GPSM3: variants seen among roughly 807,000 people sequenced by gnomAD.
The protein encoded by GPSM3 is G protein-signaling modulator 3.
GPSM3 carries 16 observed loss-of-function variants against 20.4 expected under a neutral mutation model. The observed-to-expected ratio is 0.78, with a 90% confidence interval of 0.53 to 1.19. The LOEUF is 1.19. GPSM3 is among the 50% of genes most tolerant of loss of function. The probability of loss-of-function intolerance (pLI) is 0.00; values close to 1 mark genes in which losing one functional copy is unlikely to be tolerated. For missense variants in GPSM3, 177 were observed against 204.6 expected (o/e 0.86, Z 0.82); for synonymous variants, 70 against 79.6 (o/e 0.88, Z 0.64).
In GPSM3 at chr6:32,192,519, A is replaced by G. The variant is rs1432160436; in HGVS notation, c.-6T>C. On this transcript the variant is annotated 5_prime_UTR_variant, in exon 1 of 4. Transcript: ENST00000375040. This position sits in a 1 kb window ranked among gnomAD's most constrained non-coding sequence, Gnocchi z 5.1. Reference sequence around the variant, plus strand: ...TGGGGTCTCTCAGCCTCCATCCCCTAGAGGGGAGAAACTGGTGGGGGAGGG... The same window carrying G: ...TGGGGTCTCTCAGCCTCCATCCCCTGGAGGGGAGAAACTGGTGGGGGAGGG... 1.3e-6 allele frequency: 2 copies of G among 1,573,484 alleles called. No homozygotes were observed. The highest frequency in any genetic ancestry group is 2.3e-5 in the East Asian group (1 of 43,240).
rs1034042478 is a variant in GPSM3, at chr6:32,192,298, G to A, written c.43-48C>T. ...CTAGTCAAGCAGTGGTGGTTGAAGC[G>A]GGAGGAGTGGACAGGGGGCTAGGCC... On this transcript the variant is annotated intron_variant, in intron 1 of 3. Transcript: ENST00000375040. This position sits in a 1 kb window ranked among gnomAD's most constrained non-coding sequence, Gnocchi z 5.1. 3.5e-6 allele frequency: 5 copies of A among 1,448,464 alleles called. No homozygotes were observed. The highest frequency in any genetic ancestry group is 4.7e-6 in the Non-Finnish European group (5 of 1,063,816). 89.7% of individuals were successfully genotyped at this position (1,448,464 alleles called of 1,614,324 possible). A position where few individuals can be genotyped will look rare whatever the true frequency, so the allele number is the denominator to read the frequency against.
At chr6:32,193,832 G>T (rs941498974), upstream of GPSM3, among the ~76,000 whole-genome samples, 2 of 152,248 alleles carry the variant, frequency 1.3e-5, no homozygotes, top group African/African-American at 4.8e-5. This position sits in a 1 kb window ranked among gnomAD's most constrained non-coding sequence, Gnocchi z 4.7. Flanking sequence ...TTTGATCAAT[G>T]CTAATCAGGC....
chr6:32,191,607 A>G lies in GPSM3; in HGVS notation c.345+102T>C. ...TGGGGAGGCATATAGGAAACCTGTGAAGGCGATGGGGTGCCTAGGGAGAAA... is the reference window on the plus strand; with the variant it reads ...TGGGGAGGCATATAGGAAACCTGTGGAGGCGATGGGGTGCCTAGGGAGAAA... On this transcript the variant is annotated intron_variant, in intron 3 of 3. Transcript: ENST00000375040. This position sits in a 1 kb window ranked among gnomAD's most constrained non-coding sequence, Gnocchi z 5.9. 3.4e-6 allele frequency: 5 copies of G among 1,481,440 alleles called. No homozygotes were observed. The highest frequency in any genetic ancestry group is 4.5e-6 in the Non-Finnish European group (5 of 1,099,654). 91.8% of individuals were successfully genotyped at this position (1,481,440 alleles called of 1,614,324 possible). A position where few individuals can be genotyped will look rare whatever the true frequency, so the allele number is the denominator to read the frequency against.
Position 32,192,234 on chromosome 6 carries a change from T to C in GPSM3, c.59A>G (p.Glu20Gly). 6.6e-7 allele frequency: 1 copy of C among 1,517,504 alleles called. No individual in the cohort carries two copies. The highest frequency in any genetic ancestry group is 8.8e-7 in the Non-Finnish European group (1 of 1,133,618). 94.0% of individuals were successfully genotyped at this position (1,517,504 alleles called of 1,614,324 possible). A position where few individuals can be genotyped will look rare whatever the true frequency, so the allele number is the denominator to read the frequency against. The change falls in exon 2 of 4, where the codon GAG becomes GGG. Residue 20 changes from glutamate to glycine, a missense_variant. Glu to Gly is a moderately conservative substitution (Grantham distance 98). Transcript: ENST00000375040. This position sits in a 1 kb window ranked among gnomAD's most constrained non-coding sequence, Gnocchi z 5.1. ...EDGEQGPPQD[E>G]EGWPPPNSTT... ...GGAGTTTGGAGGGGGCCAGCCTTCCTCATCCTGAGGGGGGCCCTGATGCCA... is the reference window on the plus strand; with the variant it reads ...GGAGTTTGGAGGGGGCCAGCCTTCCCCATCCTGAGGGGGGCCCTGATGCCA...
upstream of GPSM3, chr6:32,192,775 A>G: frequency 2.5e-6 from 1 of 392,172 alleles, no homozygotes; most frequent in Non-Finnish European, 4.5e-6. The surrounding 1 kb of genome is among the most constrained non-coding windows in gnomAD (Gnocchi z 5.1). Flanking sequence ...GACTGGGAAA[A>G]ACTCCTCCAG....
In GPSM3 at chr6:32,192,144, G is replaced by T; in HGVS notation, c.145+4C>A. 2 of 1,509,704 alleles carry T rather than the reference G, an allele frequency of 1.3e-6. No individual in the cohort carries two copies. The highest frequency in any genetic ancestry group is 1.8e-6 in the Non-Finnish European group (2 of 1,128,510). The allele number at this position is 1,509,704 out of a possible 1,614,324, so 93.5% of individuals were successfully genotyped here. On this transcript the variant is annotated splice_donor_region_variant and intron_variant, in intron 2 of 3. Transcript: ENST00000375040. This position sits in a 1 kb window ranked among gnomAD's most constrained non-coding sequence, Gnocchi z 5.1. ...CGGGGCTCTCCCTGGGTGGGTAGGG[G>T]TACCTGTGTGGCGGGTCCCTGGAGG...
chr6:32,193,965 C>T (rs1787700530), upstream of GPSM3, among the ~76,000 whole-genome samples: 1 of 152,262 alleles, frequency 6.6e-6, no homozygotes, highest in African/African-American at 2.4e-5. The surrounding 1 kb of genome is among the most constrained non-coding windows in gnomAD (Gnocchi z 4.7). Flanking sequence ...GAGATCTGGT[C>T]CTGCCGCTTA....
At position 32,192,514 on chromosome 6, in the gene GPSM3, C is replaced by G. The variant is rs549271168; in HGVS notation, c.-1G>C. ...CTTCCTGGGGTCTCTCAGCCTCCAT[C>G]CCCTAGAGGGGAGAAACTGGTGGGG... On this transcript the variant is annotated 5_prime_UTR_variant, in exon 1 of 4. Coordinates refer to ENST00000375040, the MANE Select transcript of GPSM3 (RefSeq NM_001276501.2). The surrounding 1 kb of genome is among the most constrained non-coding windows in gnomAD (Gnocchi z 5.1). 6.3e-7 allele frequency: 1 copy of G among 1,586,494 alleles called. No homozygotes were observed. Among genetic ancestry groups the G allele is most frequent in the Non-Finnish European group, 8.6e-7 (1 of 1,165,498 alleles).
rs1395848818 is a variant in GPSM3, at chr6:32,191,853, G to A, written c.201C>T (p.Asp67=). 2 of 1,612,170 alleles carry A rather than the reference G, an allele frequency of 1.2e-6. No individual in the cohort carries two copies. Among genetic ancestry groups the A allele is most frequent in the Middle Eastern group, 1.8e-4 (1 of 5,580 alleles). Residue 67 remains aspartate, a synonymous_variant, in exon 3 of 4, where the codon GAC becomes GAT. Coordinates refer to ENST00000375040, the MANE Select transcript of GPSM3 (RefSeq NM_001276501.2). This position sits in a 1 kb window ranked among gnomAD's most constrained non-coding sequence, Gnocchi z 5.9. The part of the protein sequence containing the change: ...LLSLQTELLL[D]LVAEAQSRRL... ...GGCGGGACTGGGCTTCAGCCACCAG[G>A]TCCAGAAGGAGTTCAGTCTGCAGGG...
At chr6:32,195,083 C>A, upstream of GPSM3, 1 of 298,938 alleles carries the variant, frequency 3.3e-6, no homozygotes, top group Non-Finnish European at 6.3e-6. The surrounding 1 kb of genome is among the most constrained non-coding windows in gnomAD (Gnocchi z 5.4). Context: ...GACAATGGAT[C>A]ATAGGGGCAC....
chr6:32,195,275 C>T (rs766307189), upstream of GPSM3: 6 of 674,494 alleles, frequency 8.9e-6, no homozygotes, highest in Non-Finnish European at 1.5e-5. This position sits in a 1 kb window ranked among gnomAD's most constrained non-coding sequence, Gnocchi z 5.4. Flanking sequence ...GCAGCTTCTC[C>T]ACGTGGAAGA....
chr6:32,191,723 T>C lies in GPSM3; in HGVS notation c.331A>G (p.Ile111Val), dbSNP rs903458508. The C allele has an allele frequency of 6.2e-7, 1 of 1,609,332 alleles. No individual in the cohort carries two copies. The highest frequency in any genetic ancestry group is 8.5e-7 in the Non-Finnish European group (1 of 1,177,660). ...GGATGTCTTACCTGGTGACTGAGGA[T>C]AGTGCTGTAAAGCTGTTCTCTGTCC... is the stretch of plus-strand genomic sequence containing the variant. ...LEDREQLYST[I>V]LSHQCQRMEA... Residue 111 changes from isoleucine (I) to valine (V), a missense_variant, in exon 3 of 4, where the codon ATC (isoleucine) becomes GTC (valine). Ile to Val is a conservative substitution (Grantham distance 29, BLOSUM62 3). Transcript: ENST00000375040. This position sits in a 1 kb window ranked among gnomAD's most constrained non-coding sequence, Gnocchi z 5.9.
In GPSM3 at chr6:32,192,602, G is replaced by A; in HGVS notation, c.-89C>T. 1 of 819,730 alleles carries A rather than the reference G, an allele frequency of 1.2e-6. No homozygotes were observed. The highest frequency in any genetic ancestry group is 1.9e-6 in the Non-Finnish European group (1 of 513,294). The allele number at this position is 819,730 out of a possible 1,614,324, so 50.8% of individuals were successfully genotyped here. A position where few individuals can be genotyped will look rare whatever the true frequency, so the allele number is the denominator to read the frequency against. ...TGGGTTCCTGAGGGGAGTGGGGGCT[G>A]GAAGGGGTGGGGGTGAGCTGGGGGC... On this transcript the variant is annotated 5_prime_UTR_variant, in exon 1 of 4. Transcript: ENST00000375040. This position sits in a 1 kb window ranked among gnomAD's most constrained non-coding sequence, Gnocchi z 5.1.
chr6:32,192,201 C>CGAGTGG lies in GPSM3; in HGVS notation c.86_91dup (p.Thr30_Arg31insProThr). On this transcript the variant is annotated inframe_insertion, in exon 2 of 4. Coordinates refer to ENST00000375040, the MANE Select transcript of GPSM3 (RefSeq NM_001276501.2). The surrounding 1 kb of genome is among the most constrained non-coding windows in gnomAD (Gnocchi z 5.1). ...GGATGGAGGAGCAGATCGCCAAGGC[C>CGAGTGG]GAGTGGTGGAGTTTGGAGGGGGCCA... The CGAGTGG allele has an allele frequency of 6.6e-7, 1 of 1,510,298 alleles. No homozygotes were observed. Among genetic ancestry groups the CGAGTGG allele is most frequent in the East Asian group, 2.3e-5 (1 of 43,344 alleles). The allele number at this position is 1,510,298 out of a possible 1,614,324, so 93.6% of individuals were successfully genotyped here.
chr6:32,195,439 A>G (rs1401101838), upstream of GPSM3: 1 of 1,583,408 alleles, frequency 6.3e-7, no homozygotes, highest in Non-Finnish European at 8.6e-7. This position sits in a 1 kb window ranked among gnomAD's most constrained non-coding sequence, Gnocchi z 5.4. Context: ...GTATTCTTCT[A>G]TTTTTTACCC....
At position 32,192,157 on chromosome 6, in the gene GPSM3, G is replaced by A. The variant is rs1191563706; in HGVS notation, c.136C>T (p.Arg46Cys). 6.6e-7 allele frequency: 1 copy of A among 1,509,318 alleles called. No individual in the cohort carries two copies. Among genetic ancestry groups the A allele is most frequent in the Non-Finnish European group, 8.9e-7 (1 of 1,128,786 alleles). 93.5% of individuals were successfully genotyped at this position (1,509,318 alleles called of 1,614,324 possible). Reference sequence around the variant, plus strand: ...GGGTGGGTAGGGGTACCTGTGTGGCGGGTCCCTGGAGGAGGAGGGGATGGA... The same window carrying A: ...GGGTGGGTAGGGGTACCTGTGTGGCAGGTCCCTGGAGGAGGAGGGGATGGA... ...APPSPPPPGT[R>C]HTALGPRSAS... Residue 46 changes from arginine (R) to cysteine (C), a missense_variant, in exon 2 of 4, where the codon CGC (arginine) becomes TGC (cysteine). Arg to Cys is a radical substitution (Grantham distance 180). Coordinates refer to ENST00000375040, the MANE Select transcript of GPSM3 (RefSeq NM_001276501.2). The surrounding 1 kb of genome is among the most constrained non-coding windows in gnomAD (Gnocchi z 5.1).
upstream of GPSM3, among the ~76,000 whole-genome samples, chr6:32,193,417 T>C (rs184390354): frequency 1.0e-3 from 153 of 152,264 alleles, 1 homozygote; most frequent in African/African-American, 3.5e-3. This position sits in a 1 kb window ranked among gnomAD's most constrained non-coding sequence, Gnocchi z 4.7. Context: ...GGAGAATTGC[T>C]TGAACCCGGG....
Position 32,192,361 on chromosome 6 carries a change from C to T in GPSM3, c.42+111G>A. The T allele has an allele frequency of 1.4e-6, 2 of 1,384,494 alleles. No homozygotes were observed. The highest frequency in any genetic ancestry group is 2.1e-5 in the Admixed American group (1 of 47,890). 85.8% of individuals were successfully genotyped at this position (1,384,494 alleles called of 1,614,324 possible). On this transcript the variant is annotated intron_variant, in intron 1 of 3. Transcript: ENST00000375040. This position sits in a 1 kb window ranked among gnomAD's most constrained non-coding sequence, Gnocchi z 5.1. The stretch of plus-strand genomic sequence containing the variant: ...CCTCTCTGTGTGTCTCTGTTCCTGC[C>T]TCAGTTTGCCCAAGCCTTTCAAGGC...
chr6:32,193,365 C>T (rs17201686), upstream of GPSM3, among the ~76,000 whole-genome samples: 1 of 152,122 alleles, frequency 6.6e-6, no homozygotes, highest in Non-Finnish European at 1.5e-5. This position sits in a 1 kb window ranked among gnomAD's most constrained non-coding sequence, Gnocchi z 4.7. Flanking sequence ...CTGGGCGTGG[C>T]CACATGCGCC....
Sources: allele counts gnomAD v4.1 joint callset (sites outside exome capture counted in the v4.1 genomes callset), GRCh38; gene constraint gnomAD v4.1.1; non-coding constraint Gnocchi (gnomAD v3.1); transcripts MANE v1.5; gene names NCBI Gene and HGNC (gene_info 2026-07-23, HGNC 2026-07-21).